The following IQGAP2 variants were observed in gnomAD, a reference collection of about 807,000 sequenced individuals.
The protein encoded by IQGAP2 is IQ motif containing GTPase activating protein 2.
IQGAP2 carries 173 observed loss-of-function variants against 201.3 expected under a neutral mutation model. That is an observed-to-expected ratio of 0.86 (90% CI 0.76 to 0.98). The LOEUF (loss-of-function observed/expected upper bound fraction) is 0.98, where lower values mean the gene tolerates loss of function less well. Ranked by LOEUF, IQGAP2 falls within the 50% of genes least tolerant of loss-of-function variation. IQGAP2 has a pLI of 0.00. For missense variants in IQGAP2, 1,687 were observed against 1,864.8 expected (o/e 0.90, Z 1.76); for synonymous variants, 675 against 673.9 (o/e 1.00, Z -0.03).
intron 13 of IQGAP2, among the ~76,000 whole-genome samples, chr5:76,619,523 T>A (rs1188761489): frequency 6.8e-6 from 1 of 147,974 alleles, no homozygotes; most frequent in African/African-American, 2.5e-5. Flanking sequence ...TCTTTTTTTT[T>A]TTTTTTTTTT....
At chr5:76,420,664 C>G (rs1156590847) in intron 1 of IQGAP2, among the ~76,000 whole-genome samples, 1 of 152,154 alleles carries the variant, frequency 6.6e-6, no homozygotes, top group Non-Finnish European at 1.5e-5. Flanking sequence ...CGTGAGCCAC[C>G]GTGCCCAGCC....
At chr5:76,547,614 T>C (rs1208563621) in intron 2 of IQGAP2, among the ~76,000 whole-genome samples, 5 of 152,128 alleles carry the variant, frequency 3.3e-5, no homozygotes, top group Non-Finnish European at 7.4e-5. Flanking sequence ...AAGTCTTAAG[T>C]TGTTATTTAG....
At chr5:76,620,764 AAGG>A (rs769210977) in intron 13 of IQGAP2, among the ~76,000 whole-genome samples, 4 of 152,162 alleles carry the variant, frequency 2.6e-5, no homozygotes, top group Non-Finnish European at 4.4e-5. Context: ...AGAGGAAACA[AAGG>A]AGGAAAAATC....
intron 5 of IQGAP2, among the ~76,000 whole-genome samples, chr5:76,577,653 C>T (rs1745560485): frequency 1.3e-5 from 2 of 152,182 alleles, no homozygotes. Context: ...CTTGTTCCTG[C>T]TATGATTTAA....
At chr5:76,615,413 A>G (rs755571426) in intron 13 of IQGAP2, 1 of 152,198 alleles carries the variant, frequency 6.6e-6, no homozygotes, top group Non-Finnish European at 1.5e-5. Context: ...CACATATTAT[A>G]AAGGGTCTTC....
At chr5:76,688,904 T>A (rs1293839628) in intron 30 of IQGAP2, among the ~76,000 whole-genome samples, 1 of 152,108 alleles carries the variant, frequency 6.6e-6, no homozygotes, top group Non-Finnish European at 1.5e-5. Context: ...ACACAGTTAC[T>A]AAGTGGAGCA....
At chr5:76,550,328 G>C (rs1418350498) in intron 2 of IQGAP2, among the ~76,000 whole-genome samples, 1 of 150,430 alleles carries the variant, frequency 6.6e-6, no homozygotes, top group African/African-American at 2.4e-5. Flanking sequence ...TGTCCTCCAG[G>C]CCCATTGGGC....
At chr5:76,442,439 A>G (rs750698286) in intron 1 of IQGAP2, among the ~76,000 whole-genome samples, 1 of 152,344 alleles carries the variant, frequency 6.6e-6, no homozygotes, top group South Asian at 2.1e-4. Flanking sequence ...CTGAATAGTT[A>G]TAGAAGTGAA....
Position 76,668,853 on chromosome 5 carries a change from A to G in IQGAP2, c.2843+9A>G. ...CTGGAGGAAGAAATAAAGTATGTAT[A>G]CAAATATGTATGTAAAAATACCAGT... is the stretch of plus-strand genomic sequence containing the variant. On this transcript the variant is annotated intron_variant, in intron 23 of 35. Coordinates refer to ENST00000274364, the MANE Select transcript of IQGAP2 (RefSeq NM_006633.5). 1 of 1,525,944 alleles carries G rather than the reference A, an allele frequency of 6.6e-7. No individual in the cohort carries two copies. The highest frequency in any genetic ancestry group is 2.0e-5 in the Admixed American group (1 of 50,658). The allele number at this position is 1,525,944 out of a possible 1,614,324, so 94.5% of individuals were successfully genotyped here. A position where few individuals can be genotyped will look rare whatever the true frequency, so the allele number is the denominator to read the frequency against.
chr5:76,664,806 G>A (rs1743593864), intron 21 of IQGAP2, among the ~76,000 whole-genome samples: 1 of 152,000 alleles, frequency 6.6e-6, no homozygotes, highest in African/African-American at 2.4e-5. Flanking sequence ...ACATGCTATT[G>A]GAAAAAAATG....
At chr5:76,661,656 T>A (rs370288530) in intron 21 of IQGAP2, among the ~76,000 whole-genome samples, 17 of 152,292 alleles carry the variant, frequency 1.1e-4, no homozygotes, top group East Asian at 5.8e-4. Context: ...TTCTAGGTGA[T>A]TTACATATAT....
At chr5:76,606,345 G>T in intron 12 of IQGAP2, 42 bp downstream of exon 12, 2 of 1,516,526 alleles carry the variant, frequency 1.3e-6, no homozygotes, top group South Asian at 2.8e-5. Context: ...AGTGGGAGAA[G>T]AAGGTATCTG....
chr5:76,559,123 T>G (rs890554266), intron 2 of IQGAP2, among the ~76,000 whole-genome samples: 18 of 152,024 alleles, frequency 1.2e-4, no homozygotes, highest in African/African-American at 2.9e-4. Flanking sequence ...GGATGATCTC[T>G]ATCTCCTGAC....
intron 17 of IQGAP2, among the ~76,000 whole-genome samples, chr5:76,652,010 CAG>C (rs1279248718): frequency 6.6e-6 from 1 of 151,936 alleles, no homozygotes; most frequent in African/African-American, 2.4e-5. Context: ...ATTTGAAAAA[CAG>C]TATCAGAATT....
chr5:76,695,600 G>A lies in IQGAP2; in HGVS notation c.4140G>A (p.Thr1380=), dbSNP rs142258030. 116 of 1,614,160 alleles carry A rather than the reference G, an allele frequency of 7.2e-5. 2 individuals carry two copies. The highest frequency in any genetic ancestry group is 4.9e-4 in the Middle Eastern group (3 of 6,062). Reference sequence around the variant, plus strand: ...GGAAAATCCAGAGGAATCTTCGGACGTTGGAACAGACTGGACACGTGTCAT... The same window carrying A: ...GGAAAATCCAGAGGAATCTTCGGACATTGGAACAGACTGGACACGTGTCAT... ...KKRKIQRNLR[T]LEQTGHVSSE... is the part of the protein sequence containing the mutation. The change falls in exon 32 of 36, where the codon ACG becomes ACA. Residue 1380 remains threonine, a synonymous_variant. Transcript: ENST00000274364.
At chr5:76,609,399 A>G (rs1360684335) in intron 12 of IQGAP2, among the ~76,000 whole-genome samples, 2 of 152,236 alleles carry the variant, frequency 1.3e-5, no homozygotes, top group Non-Finnish European at 2.9e-5. Flanking sequence ...CCTGCACATT[A>G]GAGAAATACT....
chr5:76,431,464 C>T (rs754112486), intron 1 of IQGAP2, among the ~76,000 whole-genome samples: 1 of 152,068 alleles, frequency 6.6e-6, no homozygotes, highest in African/African-American at 2.4e-5. Flanking sequence ...GGCATGGGCA[C>T]AGATGGGCAC....
intron 20 of IQGAP2, among the ~76,000 whole-genome samples, chr5:76,656,887 T>G (rs1742785937): frequency 1.9e-5 from 2 of 107,382 alleles, no homozygotes; most frequent in African/African-American, 3.5e-5. Flanking sequence ...GCTTTGGGAT[T>G]TTCTAATTTA....
chr5:76,657,322 G>A (rs772725632), intron 20 of IQGAP2, among the ~76,000 whole-genome samples: 4 of 152,160 alleles, frequency 2.6e-5, no homozygotes, highest in Non-Finnish European at 4.4e-5. Flanking sequence ...CCCTGAAGTG[G>A]TCATGTCAGT....
Sources: allele counts gnomAD v4.1 joint callset (sites outside exome capture counted in the v4.1 genomes callset), GRCh38; gene constraint gnomAD v4.1.1; transcripts MANE v1.5; gene names NCBI Gene and HGNC (gene_info 2026-07-23, HGNC 2026-07-21).